The following MCF2L2 variants were observed in gnomAD, a reference collection of about 807,000 sequenced individuals.
The protein encoded by MCF2L2 is MCF.2 cell line derived transforming sequence-like 2.
Under a neutral mutation model 150.2 loss-of-function variants are expected in MCF2L2, and 102 were observed. That is an observed-to-expected ratio of 0.68 (90% CI 0.58 to 0.80). MCF2L2 has a LOEUF of 0.80. Among genes scored for constraint, MCF2L2 ranks in the 30% least tolerant of loss-of-function variants. The probability of loss-of-function intolerance (pLI) is 0.00; values close to 1 mark genes in which losing one functional copy is unlikely to be tolerated. For missense variants in MCF2L2, 1,256 were observed against 1,372.8 expected, an observed-to-expected ratio of 0.91 and a Z score of 1.34; for synonymous variants, 465 against 491.3, an observed-to-expected ratio of 0.95 and a Z score of 0.71.
intron 5 of MCF2L2, among the ~76,000 whole-genome samples, chr3:183,328,551 TTGTCAGAAG>T (rs1560024044): frequency 2.0e-5 from 3 of 150,228 alleles, no homozygotes; most frequent in African/African-American, 7.3e-5. Flanking sequence ...TACACATTAG[TTGTCAGAAG>T]TGTTGTGTGA....
At chr3:183,402,948 G>T (rs1194828757) in intron 1 of MCF2L2, among the ~76,000 whole-genome samples, 4 of 151,658 alleles carry the variant, frequency 2.6e-5, no homozygotes, top group African/African-American at 9.7e-5. Flanking sequence ...AACACTTGAT[G>T]ATTATTTACT....
At position 183,269,904 on chromosome 3, in the gene MCF2L2, G is replaced by A. The variant is rs150075589; in HGVS notation, c.1862+6968C>T. On this transcript the variant is annotated intron_variant, in intron 15 of 29. Coordinates refer to ENST00000328913, the MANE Select transcript of MCF2L2 (RefSeq NM_015078.4). ...CCTCATGTTTTTTTGGGAACCAATC[G>A]ATAATCACATTGTGAGCCATATGAA... 1.7e-5 allele frequency: 27 copies of A among 1,613,862 alleles called. No individual in the cohort carries two copies. Among genetic ancestry groups the A allele is most frequent in the Admixed American group, 1.7e-4 (10 of 59,970 alleles).
intron 17 of MCF2L2, 27 bp from the exon 18 acceptor site, chr3:183,228,393 T>TATATACTTGTAA (rs766619488): frequency 6.6e-7 from 1 of 1,505,038 alleles, no homozygotes; most frequent in East Asian, 2.3e-5. Flanking sequence ...ATACAAGTAA[T>TATATACTTGTAA]AATGTTTTGA....
In MCF2L2 at chr3:183,261,587, A is replaced by G. The variant is rs368014366; in HGVS notation, c.1862+15285T>C. Among the ~76,000 whole-genome samples the G allele has an allele frequency of 1.6e-4, 25 of 152,342 alleles. No individual in the cohort carries two copies. In the South Asian group the frequency reaches 3.3e-3, roughly 20 times the overall value. On this transcript the variant is annotated intron_variant, in intron 15 of 29. Transcript: ENST00000328913. ...GCATATCACTTTTAAAGGGATCATT[A>G]TATTTTCATGATGCATGGGGATATT...
intron 3 of MCF2L2, among the ~76,000 whole-genome samples, chr3:183,367,701 C>T (rs762095818): frequency 8.2e-4 from 124 of 152,144 alleles, no homozygotes; most frequent in Admixed American, 2.0e-4. Flanking sequence ...CAGATACTAT[C>T]TAAGGTAGCT....
intron 1 of MCF2L2, among the ~76,000 whole-genome samples, chr3:183,406,139 T>G (rs1203547439): frequency 6.6e-6 from 1 of 152,216 alleles, no homozygotes; most frequent in Non-Finnish European, 1.5e-5. Flanking sequence ...ATTAAATGTA[T>G]GTTTAACTTT....
chr3:183,349,575 A>T (rs1163004923), intron 3 of MCF2L2, among the ~76,000 whole-genome samples: 1 of 152,256 alleles, frequency 6.6e-6, no homozygotes, highest in East Asian at 1.9e-4. Flanking sequence ...AACAACAATC[A>T]TTCTAGATAG....
rs896031524 is a variant in MCF2L2 at position 183,388,893 on chromosome 3, T to A, written c.160+803A>T. The stretch of plus-strand genomic sequence containing the variant: ...TTTTTTAATATCCCATGTTGTAGAA[T>A]AAAATTCACACCAACTACATATTCT... On this transcript the variant is annotated intron_variant, in intron 2 of 29. Transcript: ENST00000328913. Among the ~76,000 whole-genome samples the A allele has an allele frequency of 7.6e-4, 115 of 152,170 alleles. 3 individuals carry two copies. Among genetic ancestry groups the A allele is most frequent in the Non-Finnish European group, 1.8e-4 (12 of 68,028 alleles).
intron 17 of MCF2L2, among the ~76,000 whole-genome samples, chr3:183,229,432 T>C (rs911824539): frequency 6.6e-5 from 10 of 152,222 alleles, no homozygotes; most frequent in Non-Finnish European, 1.2e-4. Context: ...GCATACAACA[T>C]GGATGTCTGA....
intron 23 of MCF2L2, among the ~76,000 whole-genome samples, chr3:183,206,983 GAGGGAGGA>G (rs1722514368): frequency 3.4e-5 from 2 of 58,858 alleles, no homozygotes; most frequent in African/African-American, 1.2e-4. Flanking sequence ...GGGAGGGAGG[GAGGGAGGA>G]AGGAAGGGAG....
chr3:183,182,183 G>A (rs180958344), intron 27 of MCF2L2, among the ~76,000 whole-genome samples: 3 of 152,242 alleles, frequency 2.0e-5, no homozygotes, highest in East Asian at 1.9e-4. Flanking sequence ...TTGCCTGAAC[G>A]TGGAAAGAGG....
intron 15 of MCF2L2, among the ~76,000 whole-genome samples, chr3:183,239,166 G>GGACT (rs777719650): frequency 6.6e-6 from 1 of 152,116 alleles, no homozygotes; most frequent in Non-Finnish European, 1.5e-5. Context: ...CAGAGCTAGA[G>GGACT]GACTGCACTT....
chr3:183,244,782 A>G (rs529745072), intron 15 of MCF2L2, among the ~76,000 whole-genome samples: 1 of 152,040 alleles, frequency 6.6e-6, no homozygotes, highest in Middle Eastern at 3.2e-3. Flanking sequence ...ATAGAGGCCC[A>G]GGGCTCTGAA....
At chr3:183,290,811 C>T (rs960620398) in intron 13 of MCF2L2, among the ~76,000 whole-genome samples, 3 of 152,128 alleles carry the variant, frequency 2.0e-5, no homozygotes, top group Non-Finnish European at 4.4e-5. Context: ...GGATTACAGG[C>T]GTGAGCCACT....
At chr3:183,212,957 GGGGGGGGT>G (rs1722788241) in intron 22 of MCF2L2, among the ~76,000 whole-genome samples, 3 of 131,702 alleles carry the variant, frequency 2.3e-5, no homozygotes, top group Non-Finnish European at 3.3e-5. Context: ...GTGGGGGGGT[GGGGGGGGT>G]GGGGGGGTGG....
At chr3:183,414,423 T>C (rs574366071) in intron 1 of MCF2L2, among the ~76,000 whole-genome samples, 16 of 152,296 alleles carry the variant, frequency 1.1e-4, no homozygotes, top group African/African-American at 3.1e-4. Context: ...ATGGTAGAAA[T>C]GTCCCCTCTT....
At chr3:183,402,119 G>A (rs1714786605) in intron 1 of MCF2L2, among the ~76,000 whole-genome samples, 1 of 152,086 alleles carries the variant, frequency 6.6e-6, no homozygotes, top group Admixed American at 6.5e-5. Context: ...TGGGGATGGG[G>A]GGAATTAATG....
rs1415519734 is a variant in MCF2L2 at position 183,178,476 on chromosome 3, AAT to A, written c.*902_*903del. 2 of 152,156 alleles carry A rather than the reference AAT, an allele frequency of 1.3e-5. No homozygotes were observed. Among genetic ancestry groups the A allele is most frequent in the Admixed American group, 1.3e-4 (2 of 15,290 alleles). The allele number at this position is 152,156 out of a possible 1,614,324, so 9.4% of individuals were successfully genotyped here. A position where few individuals can be genotyped will look rare whatever the true frequency, so the allele number is the denominator to read the frequency against. On this transcript the variant is annotated 3_prime_UTR_variant, in exon 30 of 30. Transcript: ENST00000328913. Reference sequence around the variant, plus strand: ...GAGCGAGACTCCGTCTCGAAAAATAAATAAATAAATAAATAAATAAATTCCAA... The same window carrying A: ...GAGCGAGACTCCGTCTCGAAAAATAAAAATAAATAAATAAATAAATTCCAA...
chr3:183,300,007 T>C lies in MCF2L2; in HGVS notation c.1303A>G (p.Lys435Glu). The change falls in exon 11 of 30, where the codon AAG (lysine) becomes GAG (glutamate). Residue 435 changes from lysine to glutamate, a missense_variant and splice_region_variant. By Grantham distance (56) the Lys-to-Glu change is moderately conservative. Transcript: ENST00000328913. ...KSLEFHRQLD[K>E]VSQWCEAGIY... ...GTTCTTGGCTGTGTTTTGCTCACCT[T>C]GTCCAGCTGTCTATGAAACTCTAAG... The C allele has an allele frequency of 6.2e-7, 1 of 1,610,716 alleles. No homozygotes were observed. Among genetic ancestry groups the C allele is most frequent in the Non-Finnish European group, 8.5e-7 (1 of 1,179,150 alleles).
Sources: allele counts gnomAD v4.1 joint callset (sites outside exome capture counted in the v4.1 genomes callset), GRCh38; gene constraint gnomAD v4.1.1; transcripts MANE v1.5; gene names NCBI Gene and HGNC (gene_info 2026-07-23, HGNC 2026-07-21).